Variants in FAT3 observed in about 807,000 individuals in gnomAD.
The protein encoded by FAT3 is FAT atypical cadherin 3, also known as protocadherin Fat 3.
A neutral mutation model predicts 310.2 loss-of-function variants in FAT3; 95 were observed. That is an observed-to-expected ratio of 0.31 (90% CI 0.26 to 0.36). The LOEUF is 0.36. Among genes scored for constraint, FAT3 ranks in the 10% least tolerant of loss-of-function variants. FAT3 has a pLI of 1.00. For missense variants in FAT3, 5,408 were observed against 5,715.6 expected, an observed-to-expected ratio of 0.95 and a Z score of 1.74; for synonymous variants, 2,314 against 2,192.9, an observed-to-expected ratio of 1.06 and a Z score of -1.54.
At chr11:92,666,135 G>A (rs1246474062) in intron 3 of FAT3, among the ~76,000 whole-genome samples, 1 of 152,020 alleles carries the variant, frequency 6.6e-6, no homozygotes, top group Non-Finnish European at 1.5e-5. Flanking sequence ...ATTACCTGTT[G>A]GCAGCTTGCT....
chr11:92,449,217 G>A (rs1951291994), intron 2 of FAT3, among the ~76,000 whole-genome samples: 1 of 152,166 alleles, frequency 6.6e-6, no homozygotes, highest in African/African-American at 2.4e-5. Context: ...AAAGAATACA[G>A]GCCAAAGAAT....
intron 3 of FAT3, among the ~76,000 whole-genome samples, chr11:92,556,959 G>A (rs1401977242): frequency 6.6e-6 from 1 of 152,116 alleles, no homozygotes; most frequent in African/African-American, 2.4e-5. Flanking sequence ...CTGGCTTAGA[G>A]TAGGGATTCA....
At chr11:92,763,654 C>A (rs1438600849) in intron 5 of FAT3, among the ~76,000 whole-genome samples, 2 of 152,204 alleles carry the variant, frequency 1.3e-5, no homozygotes, top group Admixed American at 6.5e-5. Context: ...ATCCCCTTGC[C>A]TCAAAGTGGA....
chr11:92,711,580 G>C (rs892787809), intron 4 of FAT3, among the ~76,000 whole-genome samples: 1 of 152,138 alleles, frequency 6.6e-6, no homozygotes, highest in Non-Finnish European at 1.5e-5. Flanking sequence ...TGATCAGCTT[G>C]CACGCAAATA....
chr11:92,699,247 A>G (rs1426901416), intron 4 of FAT3, among the ~76,000 whole-genome samples: 1 of 152,214 alleles, frequency 6.6e-6, no homozygotes, highest in East Asian at 1.9e-4. Context: ...TAGTACAAAC[A>G]TATGGTGTGA....
In FAT3 at chr11:92,355,091, C is replaced by T. The variant is rs1300368926; in HGVS notation, c.2979C>T (p.Arg993=). The T allele has an allele frequency of 1.9e-6, 3 of 1,613,588 alleles. No individual in the cohort carries two copies. The highest frequency in any genetic ancestry group is 2.5e-6 in the Non-Finnish European group (3 of 1,179,832). ...FEIDKASGAI[R]LSKELDYEKQ... is the part of the protein sequence containing the mutation. Reference sequence around the variant, plus strand: ...TAGATAAAGCAAGTGGTGCCATCCGCTTGAGCAAAGAGCTTGATTATGAGA... The same window carrying T: ...TAGATAAAGCAAGTGGTGCCATCCGTTTGAGCAAAGAGCTTGATTATGAGA... The change falls in exon 2 of 28, where the codon CGC becomes CGT. Residue 993 remains arginine, a synonymous_variant. Transcript: ENST00000525166.
At chr11:92,585,605 G>T (rs1939100515) in intron 3 of FAT3, among the ~76,000 whole-genome samples, 1 of 152,006 alleles carries the variant, frequency 6.6e-6, no homozygotes, top group African/African-American at 2.4e-5. Context: ...CCCTATAGCA[G>T]TCTCCTAAGA....
chr11:92,883,135 C>G lies in FAT3; in HGVS notation c.12679C>G (p.Pro4227Ala), dbSNP rs761828704. The change falls in exon 24 of 28, where the codon CCC becomes GCC. Residue 4227 changes from proline (P) to alanine (A), a missense_variant. Pro to Ala is a conservative substitution (Grantham distance 27). This residue lies in a region of FAT3 where 649 missense variants were observed against 666.2 expected (regional missense o/e 0.97). Coordinates refer to ENST00000525166, the MANE Select transcript of FAT3 (RefSeq NM_001367949.2). The surrounding 1 kb of genome is among the most constrained non-coding windows in gnomAD (Gnocchi z 4.2). Reference protein sequence around the residue: ...DGRNVYQEVGPPQVPVRPMAY... With the variant: ...DGRNVYQEVGAPQVPVRPMAY... ...CCGCAACGTCTACCAGGAGGTGGGG[C>G]CCCCGCAGGTCCCCGTGCGCCCCAT... is the stretch of plus-strand genomic sequence containing the variant. 1.2e-6 allele frequency: 2 copies of G among 1,613,580 alleles called. No homozygotes were observed. The highest frequency in any genetic ancestry group is 2.2e-5 in the East Asian group (1 of 44,850).
chr11:92,323,347 C>T (rs539845399), intron 1 of FAT3, among the ~76,000 whole-genome samples: 1 of 152,026 alleles, frequency 6.6e-6, no homozygotes, highest in African/African-American at 2.4e-5. Flanking sequence ...CTCCTAGGTT[C>T]AAGCAGTCCT....
At chr11:92,373,430 C>T (rs1471666992) in intron 2 of FAT3, among the ~76,000 whole-genome samples, 1 of 152,174 alleles carries the variant, frequency 6.6e-6, no homozygotes, top group Non-Finnish European at 1.5e-5. Flanking sequence ...GGTTCTATCT[C>T]TTGTCCCGAC....
intron 6 of FAT3, among the ~76,000 whole-genome samples, chr11:92,766,227 C>T (rs754859665): frequency 6.6e-6 from 1 of 152,122 alleles, no homozygotes; most frequent in South Asian, 2.1e-4. Context: ...AAATGAGTGC[C>T]GAGGACCAGG....
chr11:92,833,172 A>T (rs569379425), intron 14 of FAT3, among the ~76,000 whole-genome samples: 16 of 152,344 alleles, frequency 1.1e-4, no homozygotes, highest in African/African-American at 3.6e-4. Context: ...GTATTTTCAT[A>T]GACTGTATGG....
At chr11:92,634,613 C>T (rs1391421528) in intron 3 of FAT3, among the ~76,000 whole-genome samples, 1 of 152,190 alleles carries the variant, frequency 6.6e-6, no homozygotes, top group Non-Finnish European at 1.5e-5. Context: ...AGCAGAGGTA[C>T]TGAGATCCTC....
intron 2 of FAT3, among the ~76,000 whole-genome samples, chr11:92,458,397 A>G (rs960712843): frequency 1.3e-4 from 20 of 152,206 alleles, no homozygotes; most frequent in African/African-American, 4.8e-4. Flanking sequence ...TACACTTTCC[A>G]TGGAAACATC....
intron 1 of FAT3, among the ~76,000 whole-genome samples, chr11:92,252,075 C>A (rs2078206214): frequency 6.6e-6 from 1 of 152,070 alleles, no homozygotes; most frequent in Non-Finnish European, 1.5e-5. Context: ...TCAACAGTTA[C>A]CACGTCATGA....
intron 3 of FAT3, among the ~76,000 whole-genome samples, chr11:92,588,526 A>G (rs1939266367): frequency 6.6e-6 from 1 of 152,092 alleles, no homozygotes; most frequent in South Asian, 2.1e-4. Context: ...AAGGAGGCTT[A>G]CAATAATAGT....
chr11:92,567,094 A>G (rs1955485262), intron 3 of FAT3, among the ~76,000 whole-genome samples: 2 of 152,180 alleles, frequency 1.3e-5, no homozygotes, highest in African/African-American at 2.4e-5. Flanking sequence ...ATCAGAGTGA[A>G]CAGGCAACCT....
intron 2 of FAT3, among the ~76,000 whole-genome samples, chr11:92,478,948 C>CTTTCTTTTCT (rs113372595): frequency 0.16 from 18,590 of 114,358 alleles, 2,417 homozygotes; most frequent in Non-Finnish European, 0.23. Context: ...TTCTTTCTTT[C>CTTTCTTTTCT]TTTCTTTTCT....
intron 2 of FAT3, among the ~76,000 whole-genome samples, chr11:92,452,048 C>G (rs1175806840): frequency 2.6e-5 from 4 of 152,108 alleles, no homozygotes. Flanking sequence ...GGCAGATAGA[C>G]AGAGAGAAAG....
Sources: allele counts gnomAD v4.1 joint callset (sites outside exome capture counted in the v4.1 genomes callset), GRCh38; gene constraint gnomAD v4.1.1; regional missense constraint gnomAD v4.1.1; non-coding constraint Gnocchi (gnomAD v3.1); transcripts MANE v1.5; gene names NCBI Gene and HGNC (gene_info 2026-07-23, HGNC 2026-07-21).